KCND3: variants seen among roughly 807,000 people sequenced by gnomAD.
KCND3 encodes A-type voltage-gated potassium channel KCND3.
A neutral mutation model predicts 51.1 loss-of-function variants in KCND3; 9 were observed. That is an observed-to-expected ratio of 0.18 (90% CI 0.11 to 0.31). The LOEUF is 0.31. Among genes scored for constraint, KCND3 ranks in the 10% least tolerant of loss-of-function variants. KCND3 has a pLI of 1.00. For synonymous variants in KCND3, 349 were observed against 368.0 expected, an observed-to-expected ratio of 0.95 and a Z score of 0.59; for missense variants, 526 against 903.8, an observed-to-expected ratio of 0.58 and a Z score of 5.36.
intron 2 of KCND3, among the ~76,000 whole-genome samples, chr1:111,798,979 G>T (rs564364020): frequency 6.5e-4 from 99 of 152,214 alleles, no homozygotes; most frequent in Non-Finnish European, 9.7e-4. Context: ...TTGCTTTGAG[G>T]TATACACCAA....
intron 2 of KCND3, among the ~76,000 whole-genome samples, chr1:111,965,486 A>ACACACACG (rs1239593623): frequency 6.8e-6 from 1 of 147,920 alleles, no homozygotes; most frequent in Non-Finnish European, 1.5e-5. Flanking sequence ...ACACACACAC[A>ACACACACG]CACGCCAGGA....
intron 2 of KCND3, among the ~76,000 whole-genome samples, chr1:111,975,292 A>G (rs1373286): frequency 0.5 from 75,841 of 151,984 alleles, 19,240 homozygotes; most frequent in Non-Finnish European, 0.56. Flanking sequence ...CCTGGCCTTG[A>G]AGCCATCCTG....
At chr1:111,859,031 C>T (rs912894648) in intron 2 of KCND3, among the ~76,000 whole-genome samples, 3 of 152,306 alleles carry the variant, frequency 2.0e-5, no homozygotes, top group Admixed American at 2.0e-4. Flanking sequence ...TTTCTCCCTC[C>T]TACTCATGTC....
chr1:111,921,953 C>T (rs981180648), intron 2 of KCND3, among the ~76,000 whole-genome samples: 7 of 152,158 alleles, frequency 4.6e-5, no homozygotes, highest in African/African-American at 1.7e-4. Context: ...GTAGGGATAA[C>T]AAGAAAATGC....
At chr1:111,970,570 C>T (rs909097328) in intron 2 of KCND3, among the ~76,000 whole-genome samples, 2 of 152,194 alleles carry the variant, frequency 1.3e-5, no homozygotes, top group Non-Finnish European at 2.9e-5. Context: ...CCTTGACTCA[C>T]GCCTCTGACA....
At chr1:111,825,209 G>A (rs745730146) in intron 2 of KCND3, among the ~76,000 whole-genome samples, 17 of 152,218 alleles carry the variant, frequency 1.1e-4, no homozygotes, top group Non-Finnish European at 2.4e-4. Context: ...ACTTTGGGAA[G>A]TGGTGGACTA....
chr1:111,967,999 T>C (rs1166431243), intron 2 of KCND3, among the ~76,000 whole-genome samples: 1 of 152,156 alleles, frequency 6.6e-6, no homozygotes, highest in Non-Finnish European at 1.5e-5. Flanking sequence ...ATAAAGCACT[T>C]AACTCAGAGC....
intron 2 of KCND3, among the ~76,000 whole-genome samples, chr1:111,857,433 T>C (rs1668127719): frequency 6.6e-6 from 1 of 152,138 alleles, no homozygotes; most frequent in Non-Finnish European, 1.5e-5. Context: ...GTTGTCCTCC[T>C]CCTCTCCTGG....
At chr1:111,815,837 A>G (rs975392132) in intron 2 of KCND3, among the ~76,000 whole-genome samples, 2 of 151,988 alleles carry the variant, frequency 1.3e-5, no homozygotes, top group Admixed American at 6.6e-5. Context: ...TAGAGAGGCT[A>G]AGATAGAAAG....
chr1:111,777,320 A>C, intron 6 of KCND3, 47 bp from the exon 7 acceptor site: 1 of 1,598,826 alleles, frequency 6.3e-7, no homozygotes, highest in Non-Finnish European at 8.6e-7. Context: ...GGTAGGGAGG[A>C]GAGAGGTAAG....
At position 111,982,947 on chromosome 1, in the gene KCND3, G is replaced by A; in HGVS notation, c.-72-149C>T. On this transcript the variant is annotated intron_variant, in intron 1 of 7. Coordinates refer to ENST00000302127, the MANE Select transcript of KCND3 (RefSeq NM_001378969.1). The surrounding 1 kb of genome is among the most constrained non-coding windows in gnomAD (Gnocchi z 8.5). ...ACTGAAATCCCCACCACAGAGAGGGGACTTGATTCTTTGCCATCCAGACAC... is the reference window on the plus strand; with the variant it reads ...ACTGAAATCCCCACCACAGAGAGGGAACTTGATTCTTTGCCATCCAGACAC... The A allele has an allele frequency of 1.5e-6, 1 of 652,132 alleles. No individual in the cohort carries two copies. The highest frequency in any genetic ancestry group is 2.6e-6 in the Non-Finnish European group (1 of 380,956). 40.4% of individuals were successfully genotyped at this position (652,132 alleles called of 1,614,324 possible).
intron 2 of KCND3, among the ~76,000 whole-genome samples, chr1:111,861,484 AG>A (rs1271798843): frequency 1.3e-5 from 2 of 152,198 alleles, no homozygotes; most frequent in African/African-American, 4.8e-5. Flanking sequence ...TCACTTTAAA[AG>A]GCTTTTCATT....
intron 2 of KCND3, among the ~76,000 whole-genome samples, chr1:111,962,347 C>T (rs779047467): frequency 6.6e-6 from 1 of 152,188 alleles, no homozygotes; most frequent in Non-Finnish European, 1.5e-5. Flanking sequence ...GCCCGGGCAG[C>T]ACAGGGCGCT....
rs1663892113 is a variant in KCND3, at chr1:111,770,979, C to T, written c.*5098G>A. The T allele has an allele frequency of 1.3e-5, 2 of 151,992 alleles. No individual in the cohort carries two copies. The highest frequency in any genetic ancestry group is 2.9e-5 in the Non-Finnish European group (2 of 68,000). 9.4% of individuals were successfully genotyped at this position (151,992 alleles called of 1,614,324 possible). Reference sequence around the variant, plus strand: ...GACATTAATGGGGGGAAGGGTGTGACCTCTAAGGAAAACATTACATTGGAA... The same window carrying T: ...GACATTAATGGGGGGAAGGGTGTGATCTCTAAGGAAAACATTACATTGGAA... On this transcript the variant is annotated 3_prime_UTR_variant, in exon 8 of 8. Coordinates refer to ENST00000302127, the MANE Select transcript of KCND3 (RefSeq NM_001378969.1).
chr1:111,907,426 ACTGCC>A (rs1381869748), intron 2 of KCND3, among the ~76,000 whole-genome samples: 1 of 152,192 alleles, frequency 6.6e-6, no homozygotes, highest in Non-Finnish European at 1.5e-5. Context: ...TCTCAGATCA[ACTGCC>A]CTTGTATCGG....
chr1:111,952,505 T>A (rs138797422), intron 2 of KCND3, among the ~76,000 whole-genome samples: 1 of 152,230 alleles, frequency 6.6e-6, no homozygotes, highest in Admixed American at 6.5e-5. Context: ...GCAACAGCAC[T>A]TGCAGCTTCT....
intron 2 of KCND3, among the ~76,000 whole-genome samples, chr1:111,868,410 AAC>A (rs1668676779): frequency 6.8e-6 from 1 of 147,872 alleles, no homozygotes; most frequent in African/African-American, 2.7e-5. Context: ...AAACACCCAA[AAC>A]ACAAGAGTAC....
intron 2 of KCND3, among the ~76,000 whole-genome samples, chr1:111,795,264 CCAGCAGTGAGCCA>C (rs1665007138): frequency 6.6e-6 from 1 of 152,128 alleles, no homozygotes; most frequent in Admixed American, 6.5e-5. Context: ...AAAGTGAGCC[CCAGCAGTGAGCCA>C]GGAACCAAAA....
intron 2 of KCND3, among the ~76,000 whole-genome samples, chr1:111,959,791 G>A (rs1251361692): frequency 6.6e-6 from 1 of 152,158 alleles, no homozygotes; most frequent in African/African-American, 2.4e-5. Flanking sequence ...ATAGTTCACA[G>A]TGAAATGGTC....
Sources: gnomAD v4.1 joint callset for allele counts (sites outside exome capture counted in the v4.1 genomes callset) on GRCh38, gnomAD v4.1.1 for gene constraint, Gnocchi (gnomAD v3.1) non-coding constraint, MANE v1.5 for transcripts, NCBI Gene and HGNC (gene_info 2026-07-23, HGNC 2026-07-21) for gene names.